The following CFAP20DC variants were observed in gnomAD, a reference collection of about 807,000 sequenced individuals.
CFAP20DC encodes the protein CFAP20 domain containing, also known as protein CFAP20DC.
Under a neutral mutation model 101.7 loss-of-function variants are expected in CFAP20DC, and 84 were observed. The ratio of observed to expected loss-of-function variants is 0.83; its 90% CI spans 0.69 to 0.99. The LOEUF is 0.99. CFAP20DC is among the 50% of genes least tolerant of loss of function. The pLI is 0.00. For synonymous variants in CFAP20DC, 359 were observed against 351.2 expected, an observed-to-expected ratio of 1.02 and a Z score of -0.25; for missense variants, 1,007 against 970.3, an observed-to-expected ratio of 1.04 and a Z score of -0.50.
intron 5 of CFAP20DC, 67 bp downstream of exon 5, chr3:58,937,581 G>C: frequency 1.0e-6 from 1 of 968,538 alleles, no homozygotes; most frequent in Non-Finnish European, 1.7e-6. Flanking sequence ...CACATATGGA[G>C]TCAGCCCATA....
In CFAP20DC at chr3:58,875,969, T is replaced by C. The variant is rs1231436919; in HGVS notation, c.716-5660A>G. ...GATACACCCACACCCGATATGCTATTATTCCCAAATCACAGAAAACAGACA... is the reference window on the plus strand; with the variant it reads ...GATACACCCACACCCGATATGCTATCATTCCCAAATCACAGAAAACAGACA... On this transcript the variant is annotated intron_variant, in intron 7 of 16. Transcript: ENST00000482387. Among the ~76,000 whole-genome samples, 18 of 152,198 alleles carry C rather than the reference T, an allele frequency of 1.2e-4. 1 individual carries two copies. The highest frequency in any genetic ancestry group is 1.2e-3 in the Admixed American group (18 of 15,280).
At chr3:58,730,266 A>C (rs2067620234) in intron 3 of CFAP20DC, among the ~76,000 whole-genome samples, 1 of 152,224 alleles carries the variant, frequency 6.6e-6, no homozygotes. Flanking sequence ...ACTGTATGGG[A>C]GATGATGAAT....
intron 15 of CFAP20DC, among the ~76,000 whole-genome samples, chr3:58,758,739 C>T (rs948673101): frequency 6.6e-6 from 1 of 151,970 alleles, no homozygotes; most frequent in South Asian, 2.1e-4. Flanking sequence ...TTCCTGTGTC[C>T]GTGTGTTCTC....
At chr3:59,032,376 G>GA in intron 4 of CFAP20DC, among the ~76,000 whole-genome samples, 1 of 152,216 alleles carries the variant, frequency 6.6e-6, no homozygotes, top group Middle Eastern at 3.4e-3. Context: ...AAAGGGGGCT[G>GA]AAGCCAGGAA....
intron 4 of CFAP20DC, among the ~76,000 whole-genome samples, chr3:58,988,360 T>A (rs1217617948): frequency 1.2e-4 from 18 of 152,148 alleles, no homozygotes; most frequent in African/African-American, 4.3e-4. Flanking sequence ...AAGTAATAAA[T>A]AACTCCCAAA....
intron 4 of CFAP20DC, among the ~76,000 whole-genome samples, chr3:59,004,680 G>C (rs1444532704): frequency 6.6e-6 from 1 of 152,192 alleles, no homozygotes; most frequent in Non-Finnish European, 1.5e-5. Context: ...TGGTAAACAT[G>C]ATCTGCTTTT....
rs574115738 is a variant in CFAP20DC, at chr3:58,949,151, T to C, written c.279-11389A>G. Among the ~76,000 whole-genome samples the C allele has an allele frequency of 5.9e-5, 9 of 152,324 alleles. No homozygotes were observed. The East Asian group carries it at 1.7e-3, about 29-fold the overall frequency. The stretch of plus-strand genomic sequence containing the variant: ...GGTGGTGATATCCCCTTTATCATTT[T>C]TTATTGTGTCTATTTGATTCTTCTC... On this transcript the variant is annotated intron_variant, in intron 4 of 16. Transcript: ENST00000482387.
intron 4 of CFAP20DC, among the ~76,000 whole-genome samples, chr3:58,944,711 C>G (rs972664692): frequency 6.7e-6 from 1 of 150,092 alleles, no homozygotes; most frequent in Non-Finnish European, 1.5e-5. Context: ...AAACCACTCC[C>G]CTTTCACTTC....
intron 3 of CFAP20DC, among the ~76,000 whole-genome samples, chr3:58,733,300 C>A (rs1359056643): frequency 6.6e-6 from 1 of 152,084 alleles, no homozygotes; most frequent in African/African-American, 2.4e-5. Flanking sequence ...CCACTGCACT[C>A]CAGCCTGGGT....
intron 4 of CFAP20DC, among the ~76,000 whole-genome samples, chr3:58,988,712 C>T (rs1279488340): frequency 6.6e-6 from 1 of 152,134 alleles, no homozygotes; most frequent in Admixed American, 6.6e-5. Flanking sequence ...TCAGTTTCTC[C>T]TAAAGAGAAA....
At position 58,864,460 on chromosome 3, in the gene CFAP20DC, G is replaced by T. The variant is rs1576009083; in HGVS notation, c.1259-568C>A. Among the ~76,000 whole-genome samples the T allele has an allele frequency of 3.3e-5, 5 of 152,164 alleles. No individual in the cohort carries two copies. In the East Asian group the frequency reaches 7.7e-4, roughly 23 times the overall value. On this transcript the variant is annotated intron_variant, in intron 11 of 16. Transcript: ENST00000482387. This position sits in a 1 kb window ranked among gnomAD's most constrained non-coding sequence, Gnocchi z 4.7. Reference sequence around the variant, plus strand: ...AGTTGAAACACTGACCAGGAAATTTGTAAGTCTGAAATAATTATCACCTGT... The same window carrying T: ...AGTTGAAACACTGACCAGGAAATTTTTAAGTCTGAAATAATTATCACCTGT...
rs2093674944 is a variant in CFAP20DC, at chr3:59,015,728, A to G, written c.278+23829T>C. On this transcript the variant is annotated intron_variant, in intron 4 of 16. Transcript: ENST00000482387. This position sits in a 1 kb window ranked among gnomAD's most constrained non-coding sequence, Gnocchi z 5.4. The stretch of plus-strand genomic sequence containing the variant: ...TTAGAACGAGGCCTCACAGACATCC[A>G]GACTTCTTTCCATAAGATGGCAAAT... Among the ~76,000 whole-genome samples the G allele has an allele frequency of 6.6e-6, 1 of 152,150 alleles. No individual in the cohort carries two copies. The highest frequency in any genetic ancestry group is 6.6e-5 in the Admixed American group (1 of 15,260).
chr3:58,884,842 C>T (rs2081491247), intron 6 of CFAP20DC, 133 bp from the exon 7 acceptor site: 2 of 711,194 alleles, frequency 2.8e-6, no homozygotes. Context: ...ACCTTTCAGC[C>T]CTGATTTTCT....
intron 3 of CFAP20DC, among the ~76,000 whole-genome samples, chr3:58,730,341 C>T (rs1270540663): frequency 2.0e-5 from 3 of 151,968 alleles, no homozygotes; most frequent in South Asian, 2.1e-4. Flanking sequence ...CATTGTACTT[C>T]GTAAATATGT....
rs776167063 is a variant in CFAP20DC, at chr3:58,884,626, CAT to C, written c.632_633del (p.His211ArgfsTer9). ...RSCQLMTDVP[H>X]VTQLLNMTKL... ...TTAGTCATGTTTAGCAGCTGTGTGA[CAT>C]GTGGAACATCTGTCATTAGTTGACA... On this transcript the variant is annotated frameshift_variant, in exon 7 of 17. Coordinates refer to ENST00000482387, the MANE Select transcript of CFAP20DC (RefSeq NM_001394063.1). LOFTEE classifies it high-confidence loss of function. 3 of 1,613,954 alleles carry C rather than the reference CAT, an allele frequency of 1.9e-6. No homozygotes were observed. The highest frequency in any genetic ancestry group is 2.5e-6 in the Non-Finnish European group (3 of 1,179,892).
At chr3:58,973,535 T>C (rs1372597297) in intron 4 of CFAP20DC, among the ~76,000 whole-genome samples, 3 of 152,170 alleles carry the variant, frequency 2.0e-5, no homozygotes, top group African/African-American at 7.2e-5. Flanking sequence ...GGGATCAGAT[T>C]ATCTCACCGT....
intron 4 of CFAP20DC, among the ~76,000 whole-genome samples, chr3:59,039,104 T>C (rs921198817): frequency 1.3e-5 from 2 of 152,104 alleles, no homozygotes; most frequent in Non-Finnish European, 2.9e-5. Flanking sequence ...TTAAAACAAA[T>C]ATATTGCTAG....
intron 5 of CFAP20DC, among the ~76,000 whole-genome samples, chr3:58,937,223 G>A (rs1233944330): frequency 2.0e-5 from 3 of 152,130 alleles, no homozygotes; most frequent in Admixed American, 6.5e-5. Flanking sequence ...TTCTCCGGAG[G>A]TTACCTCTTT....
At chr3:58,907,862 A>G (rs1445856589) in intron 6 of CFAP20DC, among the ~76,000 whole-genome samples, 1 of 152,184 alleles carries the variant, frequency 6.6e-6, no homozygotes. Context: ...ATACGGGGTT[A>G]TACACCACAG....
Sources: gnomAD v4.1 joint callset for allele counts (sites outside exome capture counted in the v4.1 genomes callset) on GRCh38, gnomAD v4.1.1 for gene constraint, Gnocchi (gnomAD v3.1) non-coding constraint, MANE v1.5 for transcripts, NCBI Gene and HGNC (gene_info 2026-07-23, HGNC 2026-07-21) for gene names.